The following SMYD3 variants were observed in gnomAD, a reference collection of about 807,000 sequenced individuals.
SMYD3 encodes the protein SET and MYND domain containing 3.
A neutral mutation model predicts 57.7 loss-of-function variants in SMYD3; 36 were observed. The ratio of observed to expected loss-of-function variants is 0.62; its 90% CI spans 0.48 to 0.82. The LOEUF (loss-of-function observed/expected upper bound fraction) is 0.82, where lower values mean the gene tolerates loss of function less well. Among genes scored for constraint, SMYD3 ranks in the 40% least tolerant of loss-of-function variants. The pLI is 0.00. For synonymous variants in SMYD3, 211 were observed against 195.0 expected, an observed-to-expected ratio of 1.08 and a Z score of -0.68; for missense variants, 515 against 538.8, an observed-to-expected ratio of 0.96 and a Z score of 0.44.
intron 10 of SMYD3, among the ~76,000 whole-genome samples, chr1:245,773,253 G>A (rs144813278): frequency 1.8e-3 from 278 of 152,304 alleles, no homozygotes; most frequent in African/African-American, 6.3e-3. Context: ...AAAGCCTGGA[G>A]TAGTTGAGAT....
Position 246,209,883 on chromosome 1 carries a change from TGGGA to T in SMYD3, c.531+117314_531+117317del, listed in dbSNP as rs2063060673. 1.3e-5 allele frequency among the ~76,000 whole-genome samples: 2 copies of T among 152,174 alleles called. 1 individual carries two copies. Among genetic ancestry groups the T allele is most frequent in the African/African-American group, 4.8e-5 (2 of 41,422 alleles). On this transcript the variant is annotated intron_variant, in intron 5 of 11. Coordinates refer to ENST00000490107, the MANE Select transcript of SMYD3 (RefSeq NM_001167740.2). ...AGATGGAAACACAGGAGAGGCAACC[TGGGA>T]GGGAACAGACTGAACAGGTAAAACT...
At chr1:246,282,210 G>A (rs12075977) in intron 5 of SMYD3, among the ~76,000 whole-genome samples, 6,055 of 145,028 alleles carry the variant, frequency 0.042, 408 homozygotes, top group African/African-American at 0.15. Flanking sequence ...GTTCATGCCC[G>A]TAATCCTAGC....
At chr1:246,439,190 G>T (rs781506437) in intron 1 of SMYD3, among the ~76,000 whole-genome samples, 2 of 151,426 alleles carry the variant, frequency 1.3e-5, no homozygotes, top group South Asian at 4.2e-4. Context: ...CCAAACTCCT[G>T]GGCTCAAGCA....
intron 5 of SMYD3, among the ~76,000 whole-genome samples, chr1:246,132,815 G>C (rs560920156): frequency 1.3e-5 from 2 of 152,086 alleles, no homozygotes; most frequent in South Asian, 4.2e-4. Context: ...TTTTAAAATG[G>C]GGAAAGGACT....
At chr1:246,448,211 C>T (rs953406119) in intron 1 of SMYD3, among the ~76,000 whole-genome samples, 1 of 151,834 alleles carries the variant, frequency 6.6e-6, no homozygotes, top group South Asian at 2.1e-4. Context: ...AGCGAGACTC[C>T]GTCTCAAAAA....
At chr1:245,891,126 T>C (rs1331019803) in intron 8 of SMYD3, among the ~76,000 whole-genome samples, 1 of 152,110 alleles carries the variant, frequency 6.6e-6, no homozygotes, top group Non-Finnish European at 1.5e-5. Flanking sequence ...AAAAATATAA[T>C]CAGATAGAAT....
At chr1:246,078,071 T>A (rs748717876) in intron 5 of SMYD3, among the ~76,000 whole-genome samples, 10 of 152,084 alleles carry the variant, frequency 6.6e-5, no homozygotes, top group African/African-American at 9.7e-5. Flanking sequence ...ATACACTTTT[T>A]AAAATTTGAA....
At chr1:245,766,913 G>T (rs1466439558) in intron 10 of SMYD3, among the ~76,000 whole-genome samples, 2 of 152,142 alleles carry the variant, frequency 1.3e-5, no homozygotes, top group Non-Finnish European at 2.9e-5. Context: ...CGCTTGTCCA[G>T]GGGCACTTCC....
At chr1:245,994,655 C>T (rs115208977) in intron 5 of SMYD3, among the ~76,000 whole-genome samples, 5,009 of 152,174 alleles carry the variant, frequency 0.033, 293 homozygotes, top group African/African-American at 0.12. Context: ...TAGGGGAGGG[C>T]CTTCTCATAA....
chr1:246,027,934 AG>A (rs1188579729), intron 5 of SMYD3, among the ~76,000 whole-genome samples: 1 of 152,366 alleles, frequency 6.6e-6, no homozygotes, highest in Admixed American at 6.5e-5. Flanking sequence ...CATACTTCAT[AG>A]AAGGAGATCA....
intron 1 of SMYD3, among the ~76,000 whole-genome samples, chr1:246,424,855 C>T (rs922546858): frequency 6.6e-6 from 1 of 152,130 alleles, no homozygotes; most frequent in Non-Finnish European, 1.5e-5. Flanking sequence ...CTTATATATG[C>T]TACAGCTTTT....
At chr1:246,475,649 G>A (rs909157771) in intron 1 of SMYD3, among the ~76,000 whole-genome samples, 4 of 151,944 alleles carry the variant, frequency 2.6e-5, no homozygotes, top group Non-Finnish European at 4.4e-5. Flanking sequence ...CTGTCTCATT[G>A]TATTGCCCAG....
At chr1:246,096,873 A>C (rs985345246) in intron 5 of SMYD3, among the ~76,000 whole-genome samples, 1 of 152,222 alleles carries the variant, frequency 6.6e-6, no homozygotes, top group Non-Finnish European at 1.5e-5. Flanking sequence ...TGATCTGTCC[A>C]TCTTACCAAA....
At chr1:246,307,063 A>T (rs896610974) in intron 5 of SMYD3, among the ~76,000 whole-genome samples, 2 of 152,224 alleles carry the variant, frequency 1.3e-5, no homozygotes, top group Admixed American at 6.5e-5. Context: ...TTTGGTAAAA[A>T]CAGGAGAAGC....
chr1:245,924,434 A>G (rs2056216018), intron 7 of SMYD3, among the ~76,000 whole-genome samples: 1 of 152,188 alleles, frequency 6.6e-6, no homozygotes, highest in Non-Finnish European at 1.5e-5. Context: ...GAGGGTCCAA[A>G]GGATGGATTT....
chr1:245,770,535 AC>A (rs1253830106), intron 10 of SMYD3, among the ~76,000 whole-genome samples: 1 of 152,234 alleles, frequency 6.6e-6, no homozygotes, highest in Non-Finnish European at 1.5e-5. Flanking sequence ...GCAAAAGTAA[AC>A]ATGTCTGAAG....
intron 5 of SMYD3, among the ~76,000 whole-genome samples, chr1:246,060,064 T>G (rs1398981064): frequency 6.6e-6 from 1 of 151,854 alleles, no homozygotes; most frequent in Non-Finnish European, 1.5e-5. Flanking sequence ...AGTGGAAGGA[T>G]CACTTGAGCT....
chr1:245,863,196 A>G (rs2051649574), intron 9 of SMYD3, among the ~76,000 whole-genome samples: 1 of 152,142 alleles, frequency 6.6e-6, no homozygotes, highest in African/African-American at 2.4e-5. Context: ...CCTCCTTCTC[A>G]GCCTTGGCCT....
intron 5 of SMYD3, among the ~76,000 whole-genome samples, chr1:246,069,734 T>C (rs1446963302): frequency 6.6e-6 from 1 of 152,216 alleles, no homozygotes; most frequent in Non-Finnish European, 1.5e-5. Flanking sequence ...TGAAGAATCC[T>C]GAGGCAGAGG....
Sources: allele counts gnomAD v4.1 joint callset (sites outside exome capture counted in the v4.1 genomes callset), GRCh38; gene constraint gnomAD v4.1.1; transcripts MANE v1.5; gene names NCBI Gene and HGNC (gene_info 2026-07-23, HGNC 2026-07-21).